The following NRXN1 variants were observed in gnomAD, a reference collection of about 807,000 sequenced individuals.
NRXN1 encodes neurexin 1, also known as neurexin-1.
A neutral mutation model predicts 150.9 loss-of-function variants in NRXN1; 39 were observed. The ratio of observed to expected loss-of-function variants is 0.26; its 90% confidence interval spans 0.20 to 0.34. NRXN1 has a LOEUF of 0.34. Ranked by LOEUF, NRXN1 falls within the 10% of genes least tolerant of loss-of-function variation. NRXN1 has a pLI of 1.00. For missense variants in NRXN1, 1,815 were observed against 1,949.9 expected (o/e 0.93, Z 1.30); for synonymous variants, 924 against 757.0 (o/e 1.22, Z -3.62).
chr2:50,026,287 T>G (rs1369596673), intron 21 of NRXN1, among the ~76,000 whole-genome samples: 1 of 152,204 alleles, frequency 6.6e-6, no homozygotes, highest in Non-Finnish European at 1.5e-5. Context: ...AAACAGAGAA[T>G]TTTTCTTTAG....
At chr2:50,595,089 G>C (rs563117400) in intron 8 of NRXN1, among the ~76,000 whole-genome samples, 1 of 143,278 alleles carries the variant, frequency 7.0e-6, no homozygotes, top group Non-Finnish European at 1.6e-5. Context: ...GGTATGTTGG[G>C]GTGCACAAAC....
intron 21 of NRXN1, among the ~76,000 whole-genome samples, chr2:50,030,423 A>T (rs1689021844): frequency 6.6e-6 from 1 of 152,144 alleles, no homozygotes. Context: ...AGTCTATCAT[A>T]AGTGAACAAT....
intron 5 of NRXN1, among the ~76,000 whole-genome samples, chr2:50,855,690 C>A (rs1413975494): frequency 1.3e-5 from 2 of 151,870 alleles, no homozygotes; most frequent in African/African-American, 4.8e-5. Context: ...TAATTTTTTT[C>A]TACTTTAAAC....
intron 5 of NRXN1, among the ~76,000 whole-genome samples, chr2:50,685,380 T>TGGA (rs1691071434): frequency 1.3e-5 from 2 of 152,136 alleles, no homozygotes; most frequent in Non-Finnish European, 2.9e-5. Context: ...TGATCTGACC[T>TGGA]TACTGCCATA....
intron 18 of NRXN1, among the ~76,000 whole-genome samples, chr2:50,199,871 C>G (rs1026493165): frequency 6.6e-6 from 1 of 152,092 alleles, no homozygotes; most frequent in Non-Finnish European, 1.5e-5. Context: ...TTTCATAAAA[C>G]AAAAGTGGAA....
At chr2:50,179,706 T>C (rs2060578803) in intron 18 of NRXN1, among the ~76,000 whole-genome samples, 1 of 152,166 alleles carries the variant, frequency 6.6e-6, no homozygotes, top group African/African-American at 2.4e-5. Flanking sequence ...GATGTTTAAA[T>C]TGTTACCCTT....
At chr2:50,495,518 A>C (rs1476978992) in intron 15 of NRXN1, among the ~76,000 whole-genome samples, 2 of 151,930 alleles carry the variant, frequency 1.3e-5, no homozygotes, top group Non-Finnish European at 2.9e-5. Context: ...AAACCTTACC[A>C]AGGAAAGAAA....
At chr2:50,105,150 G>A (rs1558887490) in intron 18 of NRXN1, 1 of 152,038 alleles carries the variant, frequency 6.6e-6, no homozygotes, top group Non-Finnish European at 1.5e-5. Flanking sequence ...GGGGCCAGAT[G>A]AGAGTATCCT....
intron 5 of NRXN1, among the ~76,000 whole-genome samples, chr2:50,762,524 C>T (rs1179788712): frequency 6.6e-6 from 1 of 151,788 alleles, no homozygotes; most frequent in Admixed American, 6.6e-5. Context: ...CCTGTGTCTA[C>T]CGTTGTCATC....
intron 17 of NRXN1, among the ~76,000 whole-genome samples, chr2:50,452,764 G>A (rs1473959502): frequency 6.6e-6 from 1 of 152,006 alleles, no homozygotes; most frequent in African/African-American, 2.4e-5. Flanking sequence ...GTTTTTTGTG[G>A]GTTTAAATCT....
chr2:50,276,191 T>C (rs1558431866), intron 17 of NRXN1, among the ~76,000 whole-genome samples: 1 of 152,088 alleles, frequency 6.6e-6, no homozygotes, highest in Non-Finnish European at 1.5e-5. Flanking sequence ...GAGGTTTCTT[T>C]AGCTTAATTT....
chr2:50,151,029 T>A (rs1234388498), intron 18 of NRXN1, among the ~76,000 whole-genome samples: 1 of 151,778 alleles, frequency 6.6e-6, no homozygotes, highest in African/African-American at 2.4e-5. Flanking sequence ...TAAAGATTTA[T>A]GCAATAAAAC....
intron 9 of NRXN1, among the ~76,000 whole-genome samples, chr2:50,548,809 G>A (rs2093551692): frequency 6.6e-6 from 1 of 151,978 alleles, no homozygotes; most frequent in Non-Finnish European, 1.5e-5. Context: ...TACTTAGATT[G>A]GCAGCAAATT....
intron 5 of NRXN1, among the ~76,000 whole-genome samples, chr2:50,698,908 T>G (rs1448398477): frequency 6.6e-6 from 1 of 152,210 alleles, no homozygotes; most frequent in Admixed American, 6.5e-5. Context: ...AGTAGTCTTT[T>G]CCATGAAATT....
At chr2:50,730,497 G>C (rs575534894) in intron 5 of NRXN1, among the ~76,000 whole-genome samples, 2 of 152,014 alleles carry the variant, frequency 1.3e-5, no homozygotes, top group Non-Finnish European at 2.9e-5. Flanking sequence ...GCTCTTTCCA[G>C]CTTTCTCTCA....
rs78941177 is a variant in NRXN1, at chr2:50,638,094, C to T, written c.833-14479G>A. The stretch of plus-strand genomic sequence containing the variant: ...AGGGAGATCCATAACATTTACGAGA[C>T]TTTCTCTGGTGCACAGGCGAAGTTG... On this transcript the variant is annotated intron_variant, in intron 5 of 22. Coordinates refer to ENST00000401669, the MANE Select transcript of NRXN1 (RefSeq NM_001330078.2). Among the ~76,000 whole-genome samples, 1,508 of 152,116 alleles carry T rather than the reference C, an allele frequency of 9.9e-3. 26 individuals carry two copies. The highest frequency in any genetic ancestry group is 0.034 in the African/African-American group (1,410 of 41,522).
chr2:50,803,831 T>A (rs1574530332), intron 5 of NRXN1, among the ~76,000 whole-genome samples: 1 of 152,248 alleles, frequency 6.6e-6, no homozygotes, highest in South Asian at 2.1e-4. Context: ...AAAAACAATA[T>A]CACTTTTAAC....
intron 12 of NRXN1, among the ~76,000 whole-genome samples, chr2:50,512,404 GACA>G (rs1337342197): frequency 6.6e-6 from 1 of 151,724 alleles, no homozygotes; most frequent in Non-Finnish European, 1.5e-5. Context: ...TTTTTCTTTT[GACA>G]ACATGTAATT....
chr2:50,718,186 T>C (rs1015199539), intron 5 of NRXN1, among the ~76,000 whole-genome samples: 5 of 152,170 alleles, frequency 3.3e-5, no homozygotes, highest in Non-Finnish European at 7.4e-5. Context: ...AGATAAAAAA[T>C]AGGTTCCTCT....
Sources: allele counts gnomAD v4.1 joint callset (sites outside exome capture counted in the v4.1 genomes callset), GRCh38; gene constraint gnomAD v4.1.1; transcripts MANE v1.5; gene names NCBI Gene and HGNC (gene_info 2026-07-23, HGNC 2026-07-21).